The following GRIA4 variants were observed in gnomAD, a reference collection of about 807,000 sequenced individuals.
GRIA4 encodes glutamate ionotropic receptor AMPA type subunit 4.
In GRIA4, 34 loss-of-function variants were observed where a neutral mutation model predicts 104.0. The ratio of observed to expected loss-of-function variants is 0.33; its 90% CI spans 0.25 to 0.44. The LOEUF (loss-of-function observed/expected upper bound fraction) is 0.44. Among genes scored for constraint, GRIA4 ranks in the 20% least tolerant of loss-of-function variants. The pLI is 1.00. For synonymous variants in GRIA4, 386 were observed against 381.9 expected (o/e 1.01, Z -0.13); for missense variants, 750 against 1,096.5 (o/e 0.68, Z 4.46).
At chr11:105,883,168 T>A (rs146715759) in intron 5 of GRIA4, among the ~76,000 whole-genome samples, 1 of 152,216 alleles carries the variant, frequency 6.6e-6, no homozygotes, top group Non-Finnish European at 1.5e-5. Context: ...TTAAACACGT[T>A]ATTTTGGTAA....
intron 4 of GRIA4, among the ~76,000 whole-genome samples, chr11:105,835,627 T>G (rs1178107458): frequency 6.6e-6 from 1 of 152,108 alleles, no homozygotes; most frequent in Non-Finnish European, 1.5e-5. Context: ...CTCACTAAAA[T>G]TTGTGATTCA....
intron 4 of GRIA4, among the ~76,000 whole-genome samples, chr11:105,823,260 G>A (rs1286344852): frequency 1.3e-5 from 2 of 152,136 alleles, no homozygotes; most frequent in East Asian, 1.9e-4. Context: ...ATGGAACACA[G>A]CTTGAATTAC....
intron 14 of GRIA4, chr11:105,966,178 C>T (rs752611581): frequency 1.0e-5 from 7 of 669,674 alleles, no homozygotes; most frequent in East Asian, 2.7e-5. Flanking sequence ...CCAGTCCCTT[C>T]GCAAACTTAC....
intron 6 of GRIA4, among the ~76,000 whole-genome samples, chr11:105,890,958 A>G (rs1946432140): frequency 6.6e-6 from 1 of 152,200 alleles, no homozygotes; most frequent in African/African-American, 2.4e-5. Flanking sequence ...ATCTAGAGGT[A>G]CTGGTGAAAG....
chr11:105,613,768 T>A (rs1018598379), intron 3 of GRIA4: 1 of 152,152 alleles, frequency 6.6e-6, no homozygotes, highest in East Asian at 1.9e-4. Flanking sequence ...TTGAAGCATA[T>A]GTCACTTTTG....
intron 3 of GRIA4, among the ~76,000 whole-genome samples, chr11:105,719,625 T>G: frequency 6.6e-6 from 1 of 152,106 alleles, no homozygotes. Flanking sequence ...TTCTGAAAAC[T>G]AATGACTCTG....
At chr11:105,871,374 A>G (rs778336937) in intron 5 of GRIA4, among the ~76,000 whole-genome samples, 3 of 151,890 alleles carry the variant, frequency 2.0e-5, no homozygotes, top group Non-Finnish European at 2.9e-5. Flanking sequence ...GGCAAAATAA[A>G]CTGAGCTTGC....
At chr11:105,740,397 A>T (rs972380508) in intron 3 of GRIA4, among the ~76,000 whole-genome samples, 3 of 152,136 alleles carry the variant, frequency 2.0e-5, no homozygotes, top group Non-Finnish European at 4.4e-5. Context: ...GTCATTCCAC[A>T]CTCTCTCATT....
intron 4 of GRIA4, among the ~76,000 whole-genome samples, chr11:105,776,476 GAGAT>G (rs1274886318): frequency 1.3e-5 from 2 of 152,152 alleles, no homozygotes; most frequent in Non-Finnish European, 2.9e-5. Context: ...AGTAAACAGA[GAGAT>G]TGATTCATAA....
chr11:105,913,759 C>A (rs944443021), intron 10 of GRIA4, among the ~76,000 whole-genome samples: 1 of 151,996 alleles, frequency 6.6e-6, no homozygotes, highest in African/African-American at 2.4e-5. Flanking sequence ...AGCTTTACTA[C>A]CGAAGTTAAG....
chr11:105,968,306 A>G (rs929791689), intron 14 of GRIA4, among the ~76,000 whole-genome samples: 2 of 152,230 alleles, frequency 1.3e-5, no homozygotes, highest in Non-Finnish European at 2.9e-5. Flanking sequence ...GCAGCAAATT[A>G]TTAAACTTGT....
intron 3 of GRIA4, among the ~76,000 whole-genome samples, chr11:105,639,806 C>G (rs1309537494): frequency 6.6e-6 from 1 of 151,864 alleles, no homozygotes; most frequent in Non-Finnish European, 1.5e-5. Flanking sequence ...TTCCATTGTT[C>G]CATAGTAACC....
At chr11:105,815,733 T>C (rs943861327) in intron 4 of GRIA4, among the ~76,000 whole-genome samples, 2 of 152,172 alleles carry the variant, frequency 1.3e-5, no homozygotes, top group African/African-American at 4.8e-5. Flanking sequence ...TTCTAAAGCA[T>C]TAACAGAGTT....
intron 3 of GRIA4, among the ~76,000 whole-genome samples, chr11:105,647,064 A>T (rs1440125726): frequency 6.6e-6 from 1 of 152,242 alleles, no homozygotes; most frequent in Non-Finnish European, 1.5e-5. Context: ...TCTGACAAAG[A>T]TTTAATATCT....
intron 3 of GRIA4, among the ~76,000 whole-genome samples, chr11:105,632,287 A>C (rs1951053668): frequency 6.6e-6 from 1 of 152,178 alleles, no homozygotes; most frequent in South Asian, 2.1e-4. Context: ...CTAAAGTTTT[A>C]GCTGACACCC....
chr11:105,913,918 C>T (rs926245217), intron 10 of GRIA4, among the ~76,000 whole-genome samples: 1 of 152,004 alleles, frequency 6.6e-6, no homozygotes, highest in Non-Finnish European at 1.5e-5. Context: ...ACCCTTATCA[C>T]ACATGATCTT....
At chr11:105,965,004 G>A (rs572072167) in intron 14 of GRIA4, among the ~76,000 whole-genome samples, 54 of 151,852 alleles carry the variant, frequency 3.6e-4, no homozygotes, top group African/African-American at 1.2e-3. Flanking sequence ...ACAGGGTTTC[G>A]CCATGTTGGC....
intron 5 of GRIA4, among the ~76,000 whole-genome samples, chr11:105,878,448 G>A (rs1312410891): frequency 1.3e-5 from 2 of 152,192 alleles, no homozygotes; most frequent in Non-Finnish European, 2.9e-5. Flanking sequence ...GCACTGTGCT[G>A]GGAGATCCAC....
intron 4 of GRIA4, among the ~76,000 whole-genome samples, chr11:105,779,446 T>A (rs1306852726): frequency 6.6e-6 from 1 of 152,090 alleles, no homozygotes; most frequent in Non-Finnish European, 1.5e-5. Flanking sequence ...CTACTTGATA[T>A]TCCCCTTCCT....
Sources: allele counts gnomAD v4.1 joint callset (sites outside exome capture counted in the v4.1 genomes callset), GRCh38; gene constraint gnomAD v4.1.1; transcripts MANE v1.5; gene names NCBI Gene and HGNC (gene_info 2026-07-23, HGNC 2026-07-21).